CEP83: variants seen among roughly 807,000 people sequenced by gnomAD.
CEP83 encodes the protein centrosomal protein of 83 kDa.
CEP83 carries 70 observed loss-of-function variants against 101.9 expected under a neutral mutation model. That is an observed-to-expected ratio of 0.69 (90% CI 0.57 to 0.84). The LOEUF is 0.84. Ranked by LOEUF, CEP83 falls within the 40% of genes least tolerant of loss-of-function variation. CEP83 has a pLI of 0.00. For missense variants in CEP83, 715 were observed against 787.2 expected, an observed-to-expected ratio of 0.91 and a Z score of 1.10; for synonymous variants, 264 against 267.9, an observed-to-expected ratio of 0.99 and a Z score of 0.14.
chr12:94,376,690 T>TACACACACACAC (rs533315599), intron 7 of CEP83, among the ~76,000 whole-genome samples: 23 of 117,376 alleles, frequency 2.0e-4, no homozygotes, highest in East Asian at 4.8e-4. Context: ...TATACATATA[T>TACACACACACAC]ACACACACAC....
intron 6 of CEP83, among the ~76,000 whole-genome samples, chr12:94,382,446 C>T (rs2061902617): frequency 6.6e-6 from 1 of 151,414 alleles, no homozygotes; most frequent in East Asian, 1.9e-4. Flanking sequence ...TGACTTGTTC[C>T]CTCATTTCTA....
intron 2 of CEP83, among the ~76,000 whole-genome samples, chr12:94,413,109 C>T (rs1325561608): frequency 6.6e-6 from 1 of 152,030 alleles, no homozygotes; most frequent in Non-Finnish European, 1.5e-5. Flanking sequence ...CTGCCTCGGC[C>T]TCCCAAAGTG....
chr12:94,368,322 T>C (rs1471244795), intron 9 of CEP83, 121 bp from the exon 10 acceptor site: 8 of 693,462 alleles, frequency 1.2e-5, no homozygotes, highest in Non-Finnish European at 1.7e-5. Flanking sequence ...TCTACAAATA[T>C]ATATTCTCAA....
Position 94,412,363 on chromosome 12 carries a change from T to C in CEP83, c.128A>G (p.Glu43Gly). 6.2e-7 allele frequency: 1 copy of C among 1,612,474 alleles called. No homozygotes were observed. The highest frequency in any genetic ancestry group is 8.5e-7 in the Non-Finnish European group (1 of 1,179,176). ...KMLIDERLRC[E>G]HHKANYQTLK... ...TGTCTGATAATTAGCTTTATGATGC[T>C]CACATCGTAACCTTTCATCAATTAA... is the stretch of plus-strand genomic sequence containing the variant. Residue 43 changes from glutamate (E) to glycine (G), a missense_variant, in exon 3 of 17, where the codon GAG becomes GGG. Coordinates refer to ENST00000397809, the MANE Select transcript of CEP83 (RefSeq NM_016122.3).
At chr12:94,419,221 T>C (rs1455119365) in intron 2 of CEP83, among the ~76,000 whole-genome samples, 2 of 152,128 alleles carry the variant, frequency 1.3e-5, no homozygotes, top group Non-Finnish European at 2.9e-5. Flanking sequence ...TTTTTTATTT[T>C]TTTCAATAGT....
chr12:94,319,892 C>T (rs990718341), intron 14 of CEP83, among the ~76,000 whole-genome samples: 1 of 152,116 alleles, frequency 6.6e-6, no homozygotes, highest in Non-Finnish European at 1.5e-5. Context: ...GTTAAGTTCA[C>T]GTCCTGAATA....
chr12:94,286,498 T>A, the CEP83 span, among the ~76,000 whole-genome samples: 1 of 151,134 alleles, frequency 6.6e-6, no homozygotes, highest in East Asian at 2.0e-4. Context: ...ACCCTTTTGT[T>A]AAAGAAAAAA....
In CEP83 at chr12:94,416,223, A is replaced by G. The variant is rs545511564; in HGVS notation, c.-101-3632T>C. On this transcript the variant is annotated intron_variant, in intron 2 of 16. Transcript: ENST00000397809. ...TTTGAGGAAGATGGAACAGATATAC[A>G]TTTTCCTTTTATACTCATTAATATA... is the stretch of plus-strand genomic sequence containing the variant. Among the ~76,000 whole-genome samples the G allele has an allele frequency of 4.6e-5, 7 of 152,244 alleles. No individual in the cohort carries two copies. In the South Asian group the frequency reaches 1.4e-3, roughly 32 times the overall value.
the CEP83 span, among the ~76,000 whole-genome samples, chr12:94,289,918 G>A: frequency 6.6e-6 from 1 of 152,196 alleles, no homozygotes; most frequent in Non-Finnish European, 1.5e-5. Flanking sequence ...TAATTTCAGA[G>A]TAAAATTTCC....
chr12:94,276,002 C>T, the CEP83 span, among the ~76,000 whole-genome samples: 1 of 152,138 alleles, frequency 6.6e-6, no homozygotes, highest in African/African-American at 2.4e-5. Context: ...ACCTCTTTTC[C>T]ACCCATCCAG....
At chr12:94,422,097 C>T (rs547231101) in intron 2 of CEP83, among the ~76,000 whole-genome samples, 8 of 152,302 alleles carry the variant, frequency 5.3e-5, no homozygotes, top group Admixed American at 4.6e-4. Flanking sequence ...GTGTTTTGGC[C>T]TTTCTCAGCA....
rs893903106 is a variant in CEP83, at chr12:94,424,163, G to C, written c.-102+11112C>G. The C allele has an allele frequency of 6.9e-6, 11 of 1,603,420 alleles. No individual in the cohort carries two copies. In the East Asian group the frequency reaches 2.5e-4, roughly 36 times the overall value. ...AGACCGAGCAAGCATCCTGTTGGGG[G>C]TGATGTTATAAGGGGCTGGGTAAAA... On this transcript the variant is annotated intron_variant, in intron 2 of 16. Transcript: ENST00000397809.
the CEP83 span, chr12:94,282,464 C>G: frequency 1.8e-6 from 2 of 1,086,420 alleles, no homozygotes; most frequent in Middle Eastern, 2.0e-4. Flanking sequence ...CATGGACATT[C>G]TTTTAAAACA....
intron 2 of CEP83, chr12:94,424,339 G>T (rs796486855): frequency 6.8e-6 from 11 of 1,613,938 alleles, no homozygotes. Context: ...GCAAGGGATC[G>T]GATGGGGCTG....
At chr12:94,278,356 G>A in the CEP83 span, among the ~76,000 whole-genome samples, 9 of 152,322 alleles carry the variant, frequency 5.9e-5, no homozygotes, top group East Asian at 3.9e-4. Context: ...GTGAGGGTAC[G>A]TATCAGGTAA....
Position 94,459,866 on chromosome 12 carries a change from G to C in CEP83, c.-464C>G, listed in dbSNP as rs977508284. ...TCCGCGTGGACCGGGATCCTCAGGG[G>C]TGCGGCGCCACCCCACGTGCTGACG... On this transcript the variant is annotated 5_prime_UTR_variant, in exon 1 of 17. Coordinates refer to ENST00000397809, the MANE Select transcript of CEP83 (RefSeq NM_016122.3). 2 of 153,400 alleles carry C rather than the reference G, an allele frequency of 1.3e-5. No individual in the cohort carries two copies. The highest frequency in any genetic ancestry group is 4.8e-5 in the African/African-American group (2 of 41,470). The allele number at this position is 153,400 out of a possible 1,614,324, so 9.5% of individuals were successfully genotyped here.
At chr12:94,408,248 T>C (rs2063667917) in intron 4 of CEP83, 1 of 152,210 alleles carries the variant, frequency 6.6e-6, no homozygotes, top group African/African-American at 2.4e-5. Flanking sequence ...ACTGCAGTAC[T>C]TGCCATTTAA....
chr12:94,297,365 G>A, the CEP83 span: 1 of 1,613,972 alleles, frequency 6.2e-7, no homozygotes. Flanking sequence ...AAGAGACATC[G>A]AGGGAAGCAC....
At chr12:94,423,457 CTTT>C (rs763433431) in intron 2 of CEP83, among the ~76,000 whole-genome samples, 7 of 120,538 alleles carry the variant, frequency 5.8e-5, no homozygotes, top group African/African-American at 1.6e-4. Context: ...TCTGGTTCAA[CTTT>C]TTTTTTTTTT....
Sources: allele counts gnomAD v4.1 joint callset (sites outside exome capture counted in the v4.1 genomes callset), GRCh38; gene constraint gnomAD v4.1.1; transcripts MANE v1.5; gene names NCBI Gene and HGNC (gene_info 2026-07-23, HGNC 2026-07-21).